The following GRIP1 variants were observed in gnomAD, a reference collection of about 807,000 sequenced individuals.
The protein encoded by GRIP1 is glutamate receptor interacting protein 1.
GRIP1 carries 45 observed loss-of-function variants against 129.9 expected under a neutral mutation model. That is an observed-to-expected ratio of 0.35 (90% confidence interval 0.27 to 0.44). The LOEUF (loss-of-function observed/expected upper bound fraction) is 0.44. Among genes scored for constraint, GRIP1 ranks in the 20% least tolerant of loss-of-function variants. The pLI, the probability that GRIP1 is intolerant of heterozygous loss-of-function variation, is 1.00. For synonymous variants in GRIP1, 530 were observed against 520.8 expected (o/e 1.02, Z -0.24); for missense variants, 1,196 against 1,396.8 (o/e 0.86, Z 2.29).
chr12:66,837,922 G>A (rs1321221136), intron 1 of GRIP1, among the ~76,000 whole-genome samples: 4 of 152,148 alleles, frequency 2.6e-5, no homozygotes, highest in Admixed American at 1.3e-4. Context: ...GGCTGGGCGC[G>A]GTGGCCCACA....
At chr12:66,454,358 G>A (rs1301352050) in intron 11 of GRIP1, among the ~76,000 whole-genome samples, 1 of 152,128 alleles carries the variant, frequency 6.6e-6, no homozygotes, top group African/African-American at 2.4e-5. Flanking sequence ...TTATTCCCAT[G>A]GTGAGCACAG....
intron 5 of GRIP1, among the ~76,000 whole-genome samples, chr12:66,529,162 T>C (rs918395892): frequency 6.6e-6 from 1 of 151,006 alleles, no homozygotes; most frequent in Non-Finnish European, 1.5e-5. Context: ...GTGGATGCAG[T>C]GAAAAGGGAA....
chr12:66,506,757 T>C (rs1396490848), intron 7 of GRIP1, among the ~76,000 whole-genome samples: 3 of 152,292 alleles, frequency 2.0e-5, no homozygotes, highest in Non-Finnish European at 4.4e-5. Context: ...TTTCCTAAAC[T>C]AGGGTAACTC....
At chr12:66,551,937 C>T (rs757513440) in intron 2 of GRIP1, among the ~76,000 whole-genome samples, 8 of 151,928 alleles carry the variant, frequency 5.3e-5, no homozygotes, top group African/African-American at 9.7e-5. Context: ...AACTACTGTG[C>T]GGGGATTAGA....
chr12:66,815,597 C>CA (rs2039191911), intron 1 of GRIP1, among the ~76,000 whole-genome samples: 2 of 151,830 alleles, frequency 1.3e-5, no homozygotes, highest in South Asian at 2.1e-4. Context: ...CCCATCTCTA[C>CA]AAAAAATAAA....
intron 1 of GRIP1, among the ~76,000 whole-genome samples, chr12:66,824,497 C>CCTA (rs1286598296): frequency 6.6e-6 from 1 of 152,076 alleles, no homozygotes; most frequent in Non-Finnish European, 1.5e-5. Context: ...ACGCAAATGG[C>CCTA]CTACTCATCA....
intron 1 of GRIP1, among the ~76,000 whole-genome samples, chr12:66,658,936 A>C (rs2033336315): frequency 6.6e-6 from 1 of 151,492 alleles, no homozygotes; most frequent in South Asian, 2.1e-4. Flanking sequence ...AAAAAAAAAC[A>C]AAATAAAACA....
chr12:66,594,132 G>C (rs375164238), intron 2 of GRIP1, among the ~76,000 whole-genome samples: 3 of 151,202 alleles, frequency 2.0e-5, no homozygotes, highest in South Asian at 4.2e-4. Flanking sequence ...CCCAGCAGCT[G>C]GGACAGGTCA....
At chr12:66,660,131 G>A (rs916438280) in intron 1 of GRIP1, among the ~76,000 whole-genome samples, 5 of 152,084 alleles carry the variant, frequency 3.3e-5, no homozygotes, top group Non-Finnish European at 4.4e-5. Flanking sequence ...ATTCTCTTGT[G>A]AACTGTTAGC....
rs77610718 is a variant in GRIP1, at chr12:66,376,159, T to G, written c.2778+858A>C. On this transcript the variant is annotated intron_variant, in intron 22 of 24. Coordinates refer to ENST00000359742, the MANE Select transcript of GRIP1 (RefSeq NM_001366722.1). ...AGCTGCAATTCATGCCAGATAATAC[T>G]ATGATGTTTACAAGTTCAAACTAAT... is the stretch of plus-strand genomic sequence containing the variant. Among the ~76,000 whole-genome samples, 747 of 152,388 alleles carry G rather than the reference T, an allele frequency of 4.9e-3. 3 individuals carry two copies. The highest frequency in any genetic ancestry group is 0.017 in the African/African-American group (710 of 41,592).
chr12:67,031,555 T>C (rs2043022696), intron 1 of GRIP1, among the ~76,000 whole-genome samples: 2 of 152,140 alleles, frequency 1.3e-5, no homozygotes, highest in African/African-American at 4.8e-5. Flanking sequence ...TCTCAGGGGC[T>C]TTCTCCACCT....
chr12:66,509,538 A>ATT, intron 7 of GRIP1, among the ~76,000 whole-genome samples: 1 of 152,202 alleles, frequency 6.6e-6, no homozygotes, highest in South Asian at 2.1e-4. Context: ...CTTTCCAAAG[A>ATT]CATGGACCCA....
intron 1 of GRIP1, among the ~76,000 whole-genome samples, chr12:66,782,281 T>C (rs1479324051): frequency 6.6e-6 from 1 of 152,126 alleles, no homozygotes; most frequent in Non-Finnish European, 1.5e-5. Flanking sequence ...TGAGATCGGA[T>C]TTTCAAGCCC....
intron 10 of GRIP1, 67 bp from the exon 11 acceptor site, chr12:66,455,631 A>G: frequency 7.2e-7 from 1 of 1,383,980 alleles, no homozygotes; most frequent in Admixed American, 1.7e-5. Flanking sequence ...ACACTTGTCA[A>G]CCAGTAACAA....
At chr12:66,626,854 G>C (rs1292909653) in intron 1 of GRIP1, 2 of 152,476 alleles carry the variant, frequency 1.3e-5, no homozygotes, top group Admixed American at 6.6e-5. Context: ...CAGGACAAAC[G>C]AGAACTTGGC....
intron 1 of GRIP1, among the ~76,000 whole-genome samples, chr12:67,050,243 T>A (rs1243259285): frequency 6.6e-6 from 1 of 152,184 alleles, no homozygotes; most frequent in Non-Finnish European, 1.5e-5. Context: ...TATTTTCTAT[T>A]TTTTTATAAC....
chr12:66,747,110 A>G lies in GRIP1; in HGVS notation c.-420+56943T>C, dbSNP rs146751313. On this transcript the variant is annotated intron_variant, in intron 1 of 4. Coordinates refer to the GRIP1 transcript ENST00000538373. ...TTTGGATTTAGGATTAGAAATACCAAAAGAGCCTATTTAGTTGGATGTAGA... is the reference window on the plus strand; with the variant it reads ...TTTGGATTTAGGATTAGAAATACCAGAAGAGCCTATTTAGTTGGATGTAGA... Among the ~76,000 whole-genome samples the G allele has an allele frequency of 1.5e-3, 221 of 152,324 alleles. 1 individual carries two copies. Among genetic ancestry groups the G allele is most frequent in the African/African-American group, 5.0e-3 (209 of 41,574 alleles).
intron 1 of GRIP1, among the ~76,000 whole-genome samples, chr12:66,824,873 T>A (rs2039381963): frequency 6.6e-6 from 1 of 152,188 alleles, no homozygotes; most frequent in Non-Finnish European, 1.5e-5. Context: ...ATAAAAAATT[T>A]AACATCCTTT....
At chr12:66,463,577 T>G (rs918102431) in intron 8 of GRIP1, among the ~76,000 whole-genome samples, 1 of 152,180 alleles carries the variant, frequency 6.6e-6, no homozygotes, top group Non-Finnish European at 1.5e-5. Flanking sequence ...TAATACTTCC[T>G]TGGAATCCTC....
Sources: allele counts gnomAD v4.1 joint callset (sites outside exome capture counted in the v4.1 genomes callset), GRCh38; gene constraint gnomAD v4.1.1; transcripts MANE v1.5; gene names NCBI Gene and HGNC (gene_info 2026-07-23, HGNC 2026-07-21).